The following GRM8 variants were observed in gnomAD, a reference collection of about 807,000 sequenced individuals.
The protein encoded by GRM8 is glutamate metabotropic receptor 8, also known as metabotropic glutamate receptor 8.
Under a neutral mutation model 87.2 loss-of-function variants are expected in GRM8, and 47 were observed. The observed-to-expected ratio is 0.54, with a 90% confidence interval of 0.43 to 0.69. GRM8 has a LOEUF of 0.69. Among genes scored for constraint, GRM8 ranks in the 30% least tolerant of loss-of-function variants. GRM8 has a pLI of 0.00. For missense variants in GRM8, 1,019 were observed against 1,139.2 expected, an observed-to-expected ratio of 0.89 and a Z score of 1.52; for synonymous variants, 396 against 404.5, an observed-to-expected ratio of 0.98 and a Z score of 0.25.
At chr7:127,119,303 TGGTG>T (rs1379033395) in intron 2 of GRM8, among the ~76,000 whole-genome samples, 1 of 152,050 alleles carries the variant, frequency 6.6e-6, no homozygotes, top group Non-Finnish European at 1.5e-5. Context: ...CTGGCCAACA[TGGTG>T]AAACCCCATC....
chr7:126,869,970 T>A (rs1476857660), intron 6 of GRM8: 1 of 142,000 alleles, frequency 7.0e-6, no homozygotes, highest in Non-Finnish European at 1.5e-5. Context: ...AAGTCCTAGA[T>A]GGAATCTTCT....
rs556508183 is a variant in GRM8 at position 127,198,021 on chromosome 7, A to C, written c.510+44674T>G. Among the ~76,000 whole-genome samples, 7 of 152,206 alleles carry C rather than the reference A, an allele frequency of 4.6e-5. No individual in the cohort carries two copies. The South Asian group carries it at 1.5e-3, about 32-fold the overall frequency. On this transcript the variant is annotated intron_variant, in intron 2 of 10. Coordinates refer to ENST00000339582, the MANE Select transcript of GRM8 (RefSeq NM_000845.3). ...GGACCTTTTGGTTTATCTAGGCCTAATGAGGTTGTCTTTGATTCTTGATTA... is the reference window on the plus strand; with the variant it reads ...GGACCTTTTGGTTTATCTAGGCCTACTGAGGTTGTCTTTGATTCTTGATTA...
intron 8 of GRM8, among the ~76,000 whole-genome samples, chr7:126,597,872 C>T (rs907486051): frequency 1.3e-5 from 2 of 152,048 alleles, no homozygotes; most frequent in African/African-American, 4.8e-5. Flanking sequence ...ATGATAAAAT[C>T]AGGGGATTTA....
chr7:127,182,671 G>A (rs960216395), intron 2 of GRM8, among the ~76,000 whole-genome samples: 2 of 98,046 alleles, frequency 2.0e-5, no homozygotes, highest in African/African-American at 8.9e-5. Flanking sequence ...GTGTGTGTGT[G>A]TGTGTGTGTG....
chr7:127,157,024 C>A (rs889466736), intron 2 of GRM8, among the ~76,000 whole-genome samples: 17 of 152,026 alleles, frequency 1.1e-4, no homozygotes, highest in Non-Finnish European at 2.4e-4. Context: ...GTGTCCACAT[C>A]TTTTTAACAA....
chr7:126,865,354 A>G (rs1798495035), intron 6 of GRM8, among the ~76,000 whole-genome samples: 2 of 152,208 alleles, frequency 1.3e-5, no homozygotes, highest in Non-Finnish European at 2.9e-5. Context: ...GTTTCCAAAG[A>G]TCATCCTTAG....
chr7:127,174,158 C>G (rs560454340), intron 2 of GRM8, among the ~76,000 whole-genome samples: 21 of 152,236 alleles, frequency 1.4e-4, no homozygotes, highest in Non-Finnish European at 2.8e-4. Flanking sequence ...AGTTCTCAAA[C>G]GTACACAAGA....
chr7:126,817,499 G>A (rs1427319174), intron 6 of GRM8, among the ~76,000 whole-genome samples: 1 of 152,060 alleles, frequency 6.6e-6, no homozygotes, highest in African/African-American at 2.4e-5. Context: ...TAATTTACTT[G>A]AGGGGTGATG....
chr7:126,687,186 T>C (rs1808278487), intron 7 of GRM8, among the ~76,000 whole-genome samples: 1 of 152,210 alleles, frequency 6.6e-6, no homozygotes, highest in African/African-American at 2.4e-5. Context: ...CTATACCAGC[T>C]CCCAACCACA....
intron 3 of GRM8, among the ~76,000 whole-genome samples, chr7:127,047,398 T>G (rs1279497035): frequency 2.7e-5 from 4 of 150,208 alleles, no homozygotes; most frequent in African/African-American, 4.9e-5. Flanking sequence ...GAGTTTTAAG[T>G]TTTTTTTTTC....
chr7:126,458,457 C>A (rs1563027972), intron 9 of GRM8, among the ~76,000 whole-genome samples: 1 of 151,112 alleles, frequency 6.6e-6, no homozygotes, highest in East Asian at 1.9e-4. Flanking sequence ...TATATACACA[C>A]ATACAATTAA....
intron 3 of GRM8, among the ~76,000 whole-genome samples, chr7:127,068,239 T>G (rs780740558): frequency 5.3e-5 from 8 of 152,170 alleles, no homozygotes; most frequent in Admixed American, 1.3e-4. Flanking sequence ...AATCACATTA[T>G]TTAGGGGAAC....
intron 9 of GRM8, among the ~76,000 whole-genome samples, chr7:126,528,487 T>C (rs1442002028): frequency 6.6e-6 from 1 of 152,172 alleles, no homozygotes; most frequent in African/African-American, 2.4e-5. Context: ...ATGGTGATGA[T>C]AGCCAACATT....
At chr7:126,942,286 T>C (rs574256213) in intron 3 of GRM8, among the ~76,000 whole-genome samples, 2 of 152,348 alleles carry the variant, frequency 1.3e-5, no homozygotes, top group Middle Eastern at 3.4e-3. Flanking sequence ...GATAACCACC[T>C]GGCAGGCCTA....
At chr7:126,899,850 A>G (rs1040099124) in intron 6 of GRM8, among the ~76,000 whole-genome samples, 9 of 151,850 alleles carry the variant, frequency 5.9e-5, no homozygotes, top group African/African-American at 9.7e-5. Flanking sequence ...TTCTTGAAAC[A>G]GCATCCTTTC....
chr7:127,088,273 G>A (rs2132866187), intron 3 of GRM8, among the ~76,000 whole-genome samples: 1 of 152,302 alleles, frequency 6.6e-6, no homozygotes, highest in South Asian at 2.1e-4. Flanking sequence ...TTCTGCCACA[G>A]ATAACTAATG....
intron 2 of GRM8, among the ~76,000 whole-genome samples, chr7:127,158,104 A>C (rs1404164451): frequency 6.6e-6 from 1 of 152,192 alleles, no homozygotes; most frequent in Non-Finnish European, 1.5e-5. Context: ...GAATAGAAAA[A>C]AAATTACAAG....
intron 6 of GRM8, among the ~76,000 whole-genome samples, chr7:126,806,006 C>A (rs1792644208): frequency 6.6e-6 from 1 of 152,236 alleles, no homozygotes; most frequent in South Asian, 2.1e-4. Flanking sequence ...TGCTTTGATT[C>A]AGACAAGAGT....
Position 126,532,940 on chromosome 7 carries a change from C to T in GRM8, c.2430+12G>A. The stretch of plus-strand genomic sequence containing the variant: ...CAGGAAAAAGTTGTCAAGTGTATTT[C>T]CTTCTACTTACCTTTTCTGCTGACT... On this transcript the variant is annotated intron_variant, in intron 9 of 10. Transcript: ENST00000339582. 1 of 1,547,316 alleles carries T rather than the reference C, an allele frequency of 6.5e-7. No homozygotes were observed. Among genetic ancestry groups the T allele is most frequent in the Non-Finnish European group, 8.8e-7 (1 of 1,131,972 alleles).
Sources: gnomAD v4.1 joint callset for allele counts (sites outside exome capture counted in the v4.1 genomes callset) on GRCh38, gnomAD v4.1.1 for gene constraint, MANE v1.5 for transcripts, NCBI Gene and HGNC (gene_info 2026-07-23, HGNC 2026-07-21) for gene names.